Variants in ADAM12 observed in about 807,000 individuals in gnomAD.
The protein encoded by ADAM12 is ADAM metallopeptidase domain 12.
In ADAM12, 70 loss-of-function variants were observed where a neutral mutation model predicts 106.4. The observed-to-expected ratio is 0.66, with a 90% CI of 0.54 to 0.80. The LOEUF is 0.80. Ranked by LOEUF, ADAM12 falls within the 30% of genes least tolerant of loss-of-function variation. The pLI is 0.00. For synonymous variants in ADAM12, 420 were observed against 433.5 expected, an observed-to-expected ratio of 0.97 and a Z score of 0.39; for missense variants, 1,010 against 1,171.9, an observed-to-expected ratio of 0.86 and a Z score of 2.02.
chr10:126,358,456 T>A (rs1002267812), intron 1 of ADAM12, among the ~76,000 whole-genome samples: 1 of 152,172 alleles, frequency 6.6e-6, no homozygotes, highest in Non-Finnish European at 1.5e-5. Context: ...CCTTTTATGA[T>A]AAACTCTCAA....
chr10:126,170,069 G>A (rs1005635394), intron 3 of ADAM12, among the ~76,000 whole-genome samples: 2 of 152,208 alleles, frequency 1.3e-5, no homozygotes, highest in African/African-American at 4.8e-5. Flanking sequence ...GTATTAATTG[G>A]TGCTTTGAGG....
At chr10:126,132,529 C>CG (rs955577497) in intron 5 of ADAM12, among the ~76,000 whole-genome samples, 2 of 140,416 alleles carry the variant, frequency 1.4e-5, no homozygotes, top group African/African-American at 2.6e-5. Flanking sequence ...TGAACACCCC[C>CG]CCCCCCTCAA....
chr10:126,257,531 C>T (rs746943601), intron 3 of ADAM12, among the ~76,000 whole-genome samples: 18 of 152,110 alleles, frequency 1.2e-4, no homozygotes, highest in African/African-American at 2.2e-4. Flanking sequence ...TGCATTTCTA[C>T]GCTGTATTTA....
rs556421695 is a variant in ADAM12, at chr10:126,355,061, G to C, written c.89-24552C>G. ...TAAAAAATTTTTATAATTGTGTTGA[G>C]TGAATTTATACATCAAAATATATGG... On this transcript the variant is annotated intron_variant, in intron 1 of 22. Transcript: ENST00000448723. Among the ~76,000 whole-genome samples the C allele has an allele frequency of 6.4e-4, 97 of 152,220 alleles. 2 individuals are homozygous for C. In the South Asian group the frequency reaches 0.02, roughly 31 times the overall value.
intron 8 of ADAM12, among the ~76,000 whole-genome samples, chr10:126,106,561 C>T (rs1955773787): frequency 6.7e-6 from 1 of 150,230 alleles, no homozygotes; most frequent in Admixed American, 6.6e-5. Context: ...TCTCGGCTCA[C>T]TGCAACCTCT....
intron 11 of ADAM12, chr10:126,091,018 G>A (rs1461001754): frequency 6.6e-6 from 1 of 152,214 alleles, no homozygotes; most frequent in Non-Finnish European, 1.5e-5. Flanking sequence ...GGAGGAGGAA[G>A]ACACAGGCTG....
chr10:126,119,169 C>T (rs1033424324), intron 5 of ADAM12, among the ~76,000 whole-genome samples: 3 of 152,178 alleles, frequency 2.0e-5, no homozygotes, highest in Admixed American at 6.5e-5. Flanking sequence ...GTGTTCAGCT[C>T]TTTCTGGAAT....
intron 3 of ADAM12, among the ~76,000 whole-genome samples, chr10:126,252,823 C>T (rs1958813638): frequency 6.6e-6 from 1 of 152,148 alleles, no homozygotes; most frequent in South Asian, 2.1e-4. Context: ...ACCACAGTCA[C>T]ACAGCTATGA....
Position 126,109,804 on chromosome 10 carries a change from C to A in ADAM12, c.640G>T (p.Glu214Ter). ...RETLKATKYV[E>*]LVIVADNREF... ...CGGTTGTCTGCCACGATCACCAGCT[C>A]CACATACTTAGTTGCCTTGAGGGTC... is the stretch of plus-strand genomic sequence containing the variant. Residue 214 changes from glutamate to a stop codon, truncating the protein, a stop_gained, in exon 7 of 23, where the codon GAG becomes TAG. Transcript: ENST00000448723. LOFTEE classifies it high-confidence loss of function. 1.2e-6 allele frequency: 2 copies of A among 1,613,078 alleles called. No homozygotes were observed. Among genetic ancestry groups the A allele is most frequent in the Non-Finnish European group, 1.7e-6 (2 of 1,179,766 alleles).
chr10:126,353,102 T>C (rs1348448574), intron 1 of ADAM12, among the ~76,000 whole-genome samples: 2 of 152,208 alleles, frequency 1.3e-5, no homozygotes, highest in Non-Finnish European at 2.9e-5. Flanking sequence ...GCATACCAAA[T>C]GCAGCCCACA....
chr10:126,128,997 G>A (rs1298181380), intron 5 of ADAM12, among the ~76,000 whole-genome samples: 1 of 152,254 alleles, frequency 6.6e-6, no homozygotes, highest in African/African-American at 2.4e-5. Context: ...CTCGTGCTCA[G>A]GTGTCACCAA....
At chr10:126,328,874 C>T (rs983729905) in intron 2 of ADAM12, among the ~76,000 whole-genome samples, 1 of 152,122 alleles carries the variant, frequency 6.6e-6, no homozygotes, top group African/African-American at 2.4e-5. Context: ...CCCACAAGCA[C>T]CAGGTGGTAA....
intron 8 of ADAM12, among the ~76,000 whole-genome samples, chr10:126,107,181 C>T (rs1361624724): frequency 3.9e-5 from 6 of 152,188 alleles, no homozygotes; most frequent in Admixed American, 1.3e-4. Flanking sequence ...ACACATACTC[C>T]TTCTTCTGCT....
intron 3 of ADAM12, among the ~76,000 whole-genome samples, chr10:126,250,112 G>A (rs573441912): frequency 1.3e-5 from 2 of 152,264 alleles, no homozygotes; most frequent in South Asian, 2.1e-4. Flanking sequence ...ACCACAGAAA[G>A]CTGCAAGCCA....
At chr10:126,141,794 A>G (rs1169694819) in intron 4 of ADAM12, among the ~76,000 whole-genome samples, 8 of 152,220 alleles carry the variant, frequency 5.3e-5, no homozygotes, top group Admixed American at 4.6e-4. Flanking sequence ...AGTATACCAA[A>G]TGAAAATTAT....
chr10:126,172,164 A>C (rs561588979), intron 3 of ADAM12, among the ~76,000 whole-genome samples: 53 of 152,222 alleles, frequency 3.5e-4, no homozygotes, highest in Non-Finnish European at 6.8e-4. Flanking sequence ...TATTAAGTGC[A>C]CTCCTGTACA....
intron 1 of ADAM12, among the ~76,000 whole-genome samples, chr10:126,382,209 C>T (rs1173682587): frequency 2.0e-5 from 3 of 152,088 alleles, no homozygotes; most frequent in Admixed American, 1.3e-4. Context: ...AAGGCCAATA[C>T]AGGCTGAGGC....
chr10:126,300,790 T>G (rs2133798278), intron 2 of ADAM12, among the ~76,000 whole-genome samples: 1 of 152,232 alleles, frequency 6.6e-6, no homozygotes. Context: ...GCTACATAGG[T>G]TGAGTGTGTT....
chr10:126,193,787 C>T (rs1483877799), intron 3 of ADAM12, among the ~76,000 whole-genome samples: 4 of 152,136 alleles, frequency 2.6e-5, no homozygotes, highest in Non-Finnish European at 4.4e-5. Context: ...GTCCCAGCTA[C>T]TCGGTAGGCT....
Sources: allele counts gnomAD v4.1 joint callset (sites outside exome capture counted in the v4.1 genomes callset), GRCh38; gene constraint gnomAD v4.1.1; transcripts MANE v1.5; gene names NCBI Gene and HGNC (gene_info 2026-07-23, HGNC 2026-07-21).